DCC: variants seen among roughly 807,000 people sequenced by gnomAD.
DCC encodes DCC netrin 1 receptor, also known as netrin receptor DCC.
Under a neutral mutation model 172.5 loss-of-function variants are expected in DCC, and 58 were observed. That is an observed-to-expected ratio of 0.34 (90% CI 0.27 to 0.42). The LOEUF is 0.42. Among genes scored for constraint, DCC ranks in the 10% least tolerant of loss-of-function variants. DCC has a pLI of 1.00. For missense variants in DCC, 1,740 were observed against 1,791.0 expected, an observed-to-expected ratio of 0.97 and a Z score of 0.51; for synonymous variants, 709 against 644.5, an observed-to-expected ratio of 1.10 and a Z score of -1.52.
chr18:52,494,511 C>A (rs776674668), intron 1 of DCC, among the ~76,000 whole-genome samples: 1 of 151,708 alleles, frequency 6.6e-6, no homozygotes, highest in Non-Finnish European at 1.5e-5. Context: ...ATGTACTTTC[C>A]GATATTTTTC....
Position 53,363,272 on chromosome 18 carries a change from T to C in DCC, c.2360-22771T>C, listed in dbSNP as rs9954773. ...TGGAGCCAATTCTGCTGAAATTCTA[T>C]AGCAATTTTCTCCTGTCTGTCATTT... On this transcript the variant is annotated intron_variant, in intron 15 of 28. Transcript: ENST00000442544. Among the ~76,000 whole-genome samples the C allele has an allele frequency of 2.0e-4, 31 of 152,308 alleles. 1 individual carries two copies. Among genetic ancestry groups the C allele is most frequent in the African/African-American group, 7.5e-4 (31 of 41,588 alleles).
intron 9 of DCC, among the ~76,000 whole-genome samples, chr18:53,190,387 A>T (rs2055348147): frequency 6.6e-6 from 1 of 152,074 alleles, no homozygotes; most frequent in Admixed American, 6.5e-5. Context: ...GACAAAATTA[A>T]ATGCAAAAAA....
At chr18:53,462,652 C>A (rs1481263613) in intron 24 of DCC, among the ~76,000 whole-genome samples, 1 of 152,122 alleles carries the variant, frequency 6.6e-6, no homozygotes, top group African/African-American at 2.4e-5. Flanking sequence ...CCCCTGCCCC[C>A]AGGTCCATGA....
chr18:53,178,978 A>G lies in DCC; in HGVS notation c.1435A>G (p.Thr479Ala), dbSNP rs369550360. 42 of 1,614,060 alleles carry G rather than the reference A, an allele frequency of 2.6e-5. No homozygotes were observed. Among genetic ancestry groups the G allele is most frequent in the Non-Finnish European group, 3.3e-5 (39 of 1,179,956 alleles). Residue 479 changes from threonine (T) to alanine (A), a missense_variant, in exon 9 of 29, where the codon ACA becomes GCA. Thr to Ala is a moderately conservative substitution (Grantham distance 58). Transcript: ENST00000442544. The stretch of plus-strand genomic sequence containing the variant: ...ATTTCTCAGGGAACGAGCATTGAAT[A>G]CAACACAGCCTGGGTCCCTTCAGCT... The part of the protein sequence containing the change: ...EGDNRERALN[T>A]TQPGSLQLTV...
At chr18:52,825,450 A>T (rs1352713525) in intron 2 of DCC, among the ~76,000 whole-genome samples, 1 of 152,210 alleles carries the variant, frequency 6.6e-6, no homozygotes, top group Non-Finnish European at 1.5e-5. Flanking sequence ...TAACATGTGG[A>T]AATTGAGAGA....
At chr18:52,956,297 T>C (rs2040741607) in intron 5 of DCC, among the ~76,000 whole-genome samples, 1 of 152,036 alleles carries the variant, frequency 6.6e-6, no homozygotes, top group Non-Finnish European at 1.5e-5. Context: ...GTTGTTTCAG[T>C]ATCGTTTGTT....
chr18:52,439,366 C>T (rs1677652213), intron 1 of DCC, among the ~76,000 whole-genome samples: 1 of 152,034 alleles, frequency 6.6e-6, no homozygotes, highest in Non-Finnish European at 1.5e-5. Context: ...TGTAGTTTCA[C>T]TTTTGGCATG....
rs142551621 is a variant in DCC, at chr18:53,427,276, C to A, written c.3164-7868C>A. Among the ~76,000 whole-genome samples, 1,112 of 151,942 alleles carry A rather than the reference C, an allele frequency of 7.3e-3. 16 individuals carry two copies. The highest frequency in any genetic ancestry group is 0.027 in the Admixed American group (414 of 15,236). ...TGCATATAAAAGTGGTTTCTTAGAC[C>A]CCTAGGATGACTGTTACTTCAGATA... On this transcript the variant is annotated intron_variant, in intron 21 of 28. Transcript: ENST00000442544.
chr18:52,819,389 T>A (rs1342496531), intron 2 of DCC, among the ~76,000 whole-genome samples: 6 of 152,254 alleles, frequency 3.9e-5, no homozygotes, highest in Admixed American at 3.9e-4. Context: ...GTCTACAACT[T>A]CCTGACTAGA....
chr18:52,607,570 A>T (rs926341468), intron 1 of DCC, among the ~76,000 whole-genome samples: 19 of 152,092 alleles, frequency 1.2e-4, no homozygotes, highest in African/African-American at 4.6e-4. Flanking sequence ...AACTGTCCTC[A>T]CCAGAGTCTT....
At chr18:52,987,601 C>T (rs554995154) in intron 5 of DCC, among the ~76,000 whole-genome samples, 1 of 152,236 alleles carries the variant, frequency 6.6e-6, no homozygotes, top group Admixed American at 6.5e-5. Context: ...TAATATAAAG[C>T]AGGTGGGTTA....
intron 1 of DCC, among the ~76,000 whole-genome samples, chr18:52,529,541 C>T (rs965302172): frequency 5.9e-5 from 9 of 152,294 alleles, no homozygotes; most frequent in Admixed American, 2.6e-4. Flanking sequence ...CCACCCGCCT[C>T]GGCCTCCCAA....
chr18:53,355,294 T>G (rs2057865371), intron 15 of DCC, among the ~76,000 whole-genome samples: 1 of 8,866 alleles, frequency 1.1e-4, no homozygotes, highest in African/African-American at 1.5e-4. Context: ...TAAAGTAGGT[T>G]TTTCCAATTC....
At chr18:52,527,749 A>G (rs2032025751) in intron 1 of DCC, among the ~76,000 whole-genome samples, 1 of 152,164 alleles carries the variant, frequency 6.6e-6, no homozygotes, top group South Asian at 2.1e-4. Context: ...TCCTGAGATT[A>G]ATTTTGTTCT....
chr18:52,418,850 CTTTCTTTCT>C (rs1987140543), intron 1 of DCC, among the ~76,000 whole-genome samples: 1 of 120,372 alleles, frequency 8.3e-6, no homozygotes, highest in Admixed American at 1.1e-4. Flanking sequence ...TTCTTTCTTT[CTTTCTTTCT>C]TTTTTTTTTT....
intron 5 of DCC, among the ~76,000 whole-genome samples, chr18:53,034,532 A>G (rs1187684295): frequency 5.9e-5 from 9 of 151,980 alleles, no homozygotes; most frequent in Admixed American, 5.3e-4. Context: ...CTTCACTACT[A>G]CCATGCCATG....
At chr18:52,962,218 G>A (rs1256543092) in intron 5 of DCC, among the ~76,000 whole-genome samples, 1 of 151,824 alleles carries the variant, frequency 6.6e-6, no homozygotes, top group Admixed American at 6.6e-5. Context: ...ATCTGACAAA[G>A]GGCTAGTATC....
chr18:53,480,820 CA>C (rs1255808062), intron 25 of DCC: 6 of 152,152 alleles, frequency 3.9e-5, no homozygotes, highest in African/African-American at 1.2e-4. Flanking sequence ...AAATTACTCC[CA>C]AAATGTAGCA....
intron 12 of DCC, among the ~76,000 whole-genome samples, chr18:53,293,545 T>C (rs2057030688): frequency 6.6e-6 from 1 of 152,176 alleles, no homozygotes; most frequent in Non-Finnish European, 1.5e-5. Context: ...CATAGGGGCT[T>C]GTTGTACAGA....
Sources: allele counts gnomAD v4.1 joint callset (sites outside exome capture counted in the v4.1 genomes callset), GRCh38; gene constraint gnomAD v4.1.1; transcripts MANE v1.5; gene names NCBI Gene and HGNC (gene_info 2026-07-23, HGNC 2026-07-21).